Variants in MAFK observed in about 807,000 individuals in gnomAD.
MAFK encodes the protein transcription factor MafK.
Under a neutral mutation model 9.2 loss-of-function variants are expected in MAFK, and 1 was observed. The ratio of observed to expected loss-of-function variants is 0.11; its 90% CI spans 0.04 to 0.52. The LOEUF is 0.52. MAFK is among the 20% of genes least tolerant of loss of function. The probability of loss-of-function intolerance (pLI) is 0.94; values close to 1 mark genes in which losing one functional copy is unlikely to be tolerated. For synonymous variants in MAFK, 110 were observed against 107.4 expected, an observed-to-expected ratio of 1.02 and a Z score of -0.15; for missense variants, 207 against 236.0, an observed-to-expected ratio of 0.88 and a Z score of 0.81.
chr7:1,533,152 C>T (rs2128550804), intron 1 of MAFK, among the ~76,000 whole-genome samples: 1 of 152,318 alleles, frequency 6.6e-6, no homozygotes, highest in African/African-American at 2.4e-5. Context: ...TGAGGAAGCC[C>T]AGGCCATGAG....
At chr7:1,531,374 C>A (rs1003080010) in intron 1 of MAFK, among the ~76,000 whole-genome samples, 6 of 152,104 alleles carry the variant, frequency 3.9e-5, no homozygotes, top group Non-Finnish European at 8.8e-5. Context: ...GACTGCCCCC[C>A]GCGCTTCCTC....
chr7:1,539,792 T>C (rs1205276890), intron 2 of MAFK, 149 bp from the exon 3 acceptor site: 7 of 666,124 alleles, frequency 1.1e-5, no homozygotes, highest in South Asian at 9.7e-5. Context: ...GCGTGCACAG[T>C]GTCCTGTGGT....
intron 1 of MAFK, among the ~76,000 whole-genome samples, chr7:1,531,140 C>T (rs1190714552): frequency 6.7e-6 from 1 of 149,108 alleles, no homozygotes; most frequent in African/African-American, 2.4e-5. Context: ...CTCCCCTGCA[C>T]GTGCCGCCCG....
chr7:1,539,030 C>T (rs1025250472), intron 1 of MAFK, 119 bp from the exon 2 acceptor site: 5 of 772,476 alleles, frequency 6.5e-6, no homozygotes, highest in Non-Finnish European at 8.8e-6. Context: ...GTCTTGTTTT[C>T]ATGGTGCTGT....
chr7:1,539,899 CCCA>C (rs1369198826), intron 2 of MAFK, 39 bp from the exon 3 acceptor site: 1 of 1,458,836 alleles, frequency 6.9e-7, no homozygotes, highest in Non-Finnish European at 9.1e-7. Flanking sequence ...AGGCAGACAC[CCCA>C]CGTTCTCCCG....
At position 1,532,654 on chromosome 7, in the gene MAFK, G is replaced by C. The variant is rs954005522; in HGVS notation, c.-45+1756G>C. On this transcript the variant is annotated intron_variant, in intron 1 of 2. Coordinates refer to ENST00000343242, the MANE Select transcript of MAFK (RefSeq NM_002360.4). This position sits in a 1 kb window ranked among gnomAD's most constrained non-coding sequence, Gnocchi z 4.5. ...GTGCACCCGGGAGGCTGCTGTTAAG[G>C]GAGACCGTCTTCCGGGCCACTTCGC... 3.9e-5 allele frequency among the ~76,000 whole-genome samples: 6 copies of C among 152,192 alleles called. No homozygotes were observed. The highest frequency in any genetic ancestry group is 1.4e-4 in the African/African-American group (6 of 41,444).
rs897241968 is a variant in MAFK at position 1,542,116 on chromosome 7, C to G, written c.*1741C>G. ...CAGGCCCGCCAGGACCACTGGGTCC[C>G]TACAGAGCAAAGGCCTGCGTGTTCC... On this transcript the variant is annotated 3_prime_UTR_variant, in exon 3 of 3. Coordinates refer to ENST00000343242, the MANE Select transcript of MAFK (RefSeq NM_002360.4). 2.0e-5 allele frequency: 3 copies of G among 152,346 alleles called. No individual in the cohort carries two copies. Among genetic ancestry groups the G allele is most frequent in the African/African-American group, 7.2e-5 (3 of 41,470 alleles). The allele number at this position is 152,346 out of a possible 1,614,324, so 9.4% of individuals were successfully genotyped here. A position where few individuals can be genotyped will look rare whatever the true frequency, so the allele number is the denominator to read the frequency against.
At chr7:1,539,321 C>A in intron 2 of MAFK, 93 bp downstream of exon 2, 1 of 1,065,518 alleles carries the variant, frequency 9.4e-7, no homozygotes, top group Non-Finnish European at 1.4e-6. Flanking sequence ...CCGTCCTGAG[C>A]CTGTGATGGA....
intron 1 of MAFK, chr7:1,533,947 C>A (rs1239217826): frequency 1.0e-5 from 3 of 287,370 alleles, no homozygotes; most frequent in Non-Finnish European, 2.1e-5. Context: ...AGGGCGGGGA[C>A]TGGAGGGGGT....
At position 1,534,049 on chromosome 7, in the gene MAFK, T is replaced by G; in HGVS notation, c.-45+3151T>G. On this transcript the variant is annotated intron_variant, in intron 1 of 2. Coordinates refer to ENST00000343242, the MANE Select transcript of MAFK (RefSeq NM_002360.4). This position sits in a 1 kb window ranked among gnomAD's most constrained non-coding sequence, Gnocchi z 4.3. The stretch of plus-strand genomic sequence containing the variant: ...TGACACAGCTTCCTCAGACTGCAAA[T>G]GCAAGGTGACCAGACGTCCTCCAAG... 1 of 357,894 alleles carries G rather than the reference T, an allele frequency of 2.8e-6. No homozygotes were observed. The highest frequency in any genetic ancestry group is 5.6e-6 in the Non-Finnish European group (1 of 177,276). The allele number at this position is 357,894 out of a possible 1,614,324, so 22.2% of individuals were successfully genotyped here.
chr7:1,534,271 G>A lies in MAFK; in HGVS notation c.-45+3373G>A. 1 of 455,690 alleles carries A rather than the reference G, an allele frequency of 2.2e-6. No individual in the cohort carries two copies. The highest frequency in any genetic ancestry group is 4.4e-6 in the Non-Finnish European group (1 of 226,602). The allele number at this position is 455,690 out of a possible 1,614,324, so 28.2% of individuals were successfully genotyped here. ...AGGAAGGGTGTCTGGCTGGTCTCTG[G>A]GACCAGCTGGGCTGCAATTAGTCGG... On this transcript the variant is annotated intron_variant, in intron 1 of 2. Transcript: ENST00000343242. The surrounding 1 kb of genome is among the most constrained non-coding windows in gnomAD (Gnocchi z 4.3).
rs1583204018 is a variant in MAFK at position 1,540,602 on chromosome 7, C to T, written c.*227C>T. On this transcript the variant is annotated 3_prime_UTR_variant, in exon 3 of 3. Coordinates refer to ENST00000343242, the MANE Select transcript of MAFK (RefSeq NM_002360.4). ...TCCACAGACACACTCACGCCCGCCA[C>T]CTGCTCCCCGCAGGATGTGTCTGTG... The T allele has an allele frequency of 1.3e-5, 7 of 541,146 alleles. No homozygotes were observed. The East Asian group carries it at 1.9e-4, about 15-fold the overall frequency. 33.5% of individuals were successfully genotyped at this position (541,146 alleles called of 1,614,324 possible).
intron 2 of MAFK, among the ~76,000 whole-genome samples, chr7:1,539,660 C>A (rs1784128331): frequency 6.6e-6 from 1 of 152,218 alleles, no homozygotes; most frequent in South Asian, 2.1e-4. Flanking sequence ...GCAGCAGGAC[C>A]CATGCACTCT....
chr7:1,533,471 AAGC>A (rs1471677887), intron 1 of MAFK, among the ~76,000 whole-genome samples: 2 of 152,130 alleles, frequency 1.3e-5, no homozygotes, highest in Non-Finnish European at 2.9e-5. Flanking sequence ...TTTCTGGAAG[AAGC>A]AGGGCAGGGA....
chr7:1,535,840 TTATGGAGCCC>T (rs1219908086), intron 1 of MAFK, among the ~76,000 whole-genome samples: 1 of 152,172 alleles, frequency 6.6e-6, no homozygotes, highest in African/African-American at 2.4e-5. Context: ...GCCCTGCGCT[TTATGGAGCCC>T]AGGCCCTCAG....
At position 1,541,659 on chromosome 7, in the gene MAFK, C is replaced by T. The variant is rs1169629427; in HGVS notation, c.*1284C>T. ...TCCTGCGCGCACACCCCCAGGAGCA[C>T]AGCCACGGGCTGCAGGTGTGGCTGG... On this transcript the variant is annotated 3_prime_UTR_variant, in exon 3 of 3. Coordinates refer to ENST00000343242, the MANE Select transcript of MAFK (RefSeq NM_002360.4). 1 of 152,274 alleles carries T rather than the reference C, an allele frequency of 6.6e-6. No individual in the cohort carries two copies. The highest frequency in any genetic ancestry group is 1.5e-5 in the Non-Finnish European group (1 of 68,068). The allele number at this position is 152,274 out of a possible 1,614,324, so 9.4% of individuals were successfully genotyped here.
chr7:1,539,305 C>A, intron 2 of MAFK, 77 bp downstream of exon 2: 2 of 1,244,286 alleles, frequency 1.6e-6, no homozygotes, highest in South Asian at 1.3e-5. Flanking sequence ...CCCTGCTATC[C>A]CAGGGCCGTC....
chr7:1,539,902 A>G, intron 2 of MAFK, 39 bp from the exon 3 acceptor site: 1 of 1,466,428 alleles, frequency 6.8e-7, no homozygotes, highest in African/African-American at 1.4e-5. Context: ...CAGACACCCC[A>G]CGTTCTCCCG....
At chr7:1,537,100 G>A (rs544696358) in intron 1 of MAFK, among the ~76,000 whole-genome samples, 364 of 152,362 alleles carry the variant, frequency 2.4e-3, no homozygotes, top group South Asian at 3.9e-3. Context: ...CCCGGCTACC[G>A]TGTGCCTCCG....
Sources: gnomAD v4.1 joint callset for allele counts (sites outside exome capture counted in the v4.1 genomes callset) on GRCh38, gnomAD v4.1.1 for gene constraint, Gnocchi (gnomAD v3.1) non-coding constraint, MANE v1.5 for transcripts, NCBI Gene and HGNC (gene_info 2026-07-23, HGNC 2026-07-21) for gene names.